NPHS2: variants seen among roughly 807,000 people sequenced by gnomAD.
NPHS2 encodes the protein NPHS2 stomatin family member, podocin, also known as podocin.
NPHS2 carries 36 observed loss-of-function variants against 37.1 expected under a neutral mutation model. The observed-to-expected ratio is 0.97, with a 90% CI of 0.74 to 1.28. The LOEUF (loss-of-function observed/expected upper bound fraction) is 1.28. NPHS2 is among the 50% of genes most tolerant of loss of function. The probability of loss-of-function intolerance (pLI) is 0.00; values close to 1 mark genes in which losing one functional copy is unlikely to be tolerated. For synonymous variants in NPHS2, 196 were observed against 189.3 expected, an observed-to-expected ratio of 1.04 and a Z score of -0.29; for missense variants, 447 against 488.1, an observed-to-expected ratio of 0.92 and a Z score of 0.79.
At chr1:179,563,893 G>A (rs940125403) in intron 2 of NPHS2, among the ~76,000 whole-genome samples, 1 of 152,180 alleles carries the variant, frequency 6.6e-6, no homozygotes, top group African/African-American at 2.4e-5. Flanking sequence ...CCAGCAGCAG[G>A]TGTACTGTTT....
In NPHS2 at chr1:179,558,119, A is replaced by C. The variant is rs186572871; in HGVS notation, c.535-889T>G. Reference sequence around the variant, plus strand: ...CCATCTTAACCATTTTTAAGTATACAGTCCAGTGATACTGAATACACTCAT... The same window carrying C: ...CCATCTTAACCATTTTTAAGTATACCGTCCAGTGATACTGAATACACTCAT... On this transcript the variant is annotated intron_variant, in intron 4 of 7. Transcript: ENST00000367615. Among the ~76,000 whole-genome samples the C allele has an allele frequency of 2.0e-5, 3 of 152,258 alleles. No individual in the cohort carries two copies. The East Asian group carries it at 5.8e-4, about 29-fold the overall frequency.
chr1:179,553,612 G>A (rs961220893), intron 6 of NPHS2, among the ~76,000 whole-genome samples: 11 of 152,066 alleles, frequency 7.2e-5, no homozygotes, highest in Non-Finnish European at 1.6e-4. Flanking sequence ...AGTACATGGG[G>A]GATTCCCACT....
At chr1:179,566,746 G>A (rs997224024) in intron 1 of NPHS2, among the ~76,000 whole-genome samples, 7 of 152,174 alleles carry the variant, frequency 4.6e-5, no homozygotes, top group East Asian at 1.9e-4. Context: ...TTTGTGTAAG[G>A]TGTAAGGAAG....
In NPHS2 at chr1:179,556,744, T is replaced by G. The variant is rs1673948390; in HGVS notation, c.738+283A>C. Among the ~76,000 whole-genome samples the G allele has an allele frequency of 6.6e-6, 1 of 152,140 alleles. No homozygotes were observed. Among genetic ancestry groups the G allele is most frequent in the Non-Finnish European group, 1.5e-5 (1 of 68,024 alleles). On this transcript the variant is annotated intron_variant, in intron 5 of 7. Coordinates refer to ENST00000367615, the MANE Select transcript of NPHS2 (RefSeq NM_014625.4). The surrounding 1 kb of genome is among the most constrained non-coding windows in gnomAD (Gnocchi z 4.1). ...CCAACCCCACCGTTCCTGCCAGCAA[T>G]CATTCTGAATACTTAATACTAGGTG...
chr1:179,554,313 G>A (rs999533938), intron 6 of NPHS2, among the ~76,000 whole-genome samples, 163 bp downstream of exon 6: 3 of 152,184 alleles, frequency 2.0e-5, no homozygotes, highest in Non-Finnish European at 2.9e-5. Context: ...TAGTGATTGT[G>A]TTATGGCTGT....
At chr1:179,563,575 C>T (rs1389073169) in intron 2 of NPHS2, among the ~76,000 whole-genome samples, 3 of 152,134 alleles carry the variant, frequency 2.0e-5, no homozygotes, top group Non-Finnish European at 4.4e-5. Context: ...GGCCATAAAA[C>T]TAACTTAAAC....
At chr1:179,562,473 G>T (rs16854353) in intron 2 of NPHS2, among the ~76,000 whole-genome samples, 4,060 of 152,174 alleles carry the variant, frequency 0.027, 177 homozygotes, top group African/African-American at 0.093. Context: ...ATAAATGAAA[G>T]AATGATTTGT....
chr1:179,561,187 G>T, intron 3 of NPHS2, 102 bp downstream of exon 3: 1 of 836,840 alleles, frequency 1.2e-6, no homozygotes, highest in Non-Finnish European at 2.1e-6. Context: ...CATGAATCAA[G>T]TTACTTCATT....
intron 1 of NPHS2, among the ~76,000 whole-genome samples, chr1:179,568,556 T>A (rs1300610387): frequency 6.6e-6 from 1 of 152,234 alleles, no homozygotes; most frequent in Admixed American, 6.5e-5. Context: ...CTCTTTCAGT[T>A]CTGCTCTGAT....
At chr1:179,554,787 C>T (rs1673820280) in intron 5 of NPHS2, 1 of 549,148 alleles carries the variant, frequency 1.8e-6, no homozygotes, top group Non-Finnish European at 3.2e-6. Flanking sequence ...ATGTCCTAAT[C>T]CCTGGAATCT....
At chr1:179,564,175 A>G (rs1404440879) in intron 2 of NPHS2, among the ~76,000 whole-genome samples, 1 of 152,118 alleles carries the variant, frequency 6.6e-6, no homozygotes, top group Non-Finnish European at 1.5e-5. Context: ...TTTCCCGTTA[A>G]TCTTTCACAG....
At position 179,556,585 on chromosome 1, in the gene NPHS2, T is replaced by G. The variant is rs987883762; in HGVS notation, c.738+442A>C. Among the ~76,000 whole-genome samples the G allele has an allele frequency of 6.6e-6, 1 of 152,214 alleles. No homozygotes were observed. The highest frequency in any genetic ancestry group is 1.5e-5 in the Non-Finnish European group (1 of 68,040). ...GTAAAGGTCTATGACATCTTAGCTT[T>G]TGTTATCTGGAAGTCTTATTTGAAC... On this transcript the variant is annotated intron_variant, in intron 5 of 7. Transcript: ENST00000367615. The surrounding 1 kb of genome is among the most constrained non-coding windows in gnomAD (Gnocchi z 4.1).
rs559088024 is a variant in NPHS2 at position 179,573,664 on chromosome 1, T to C, written c.274+1927A>G. Among the ~76,000 whole-genome samples, 9 of 152,322 alleles carry C rather than the reference T, an allele frequency of 5.9e-5. No individual in the cohort carries two copies. In the South Asian group the frequency reaches 1.7e-3, roughly 28 times the overall value. Reference sequence around the variant, plus strand: ...ATCATTGCCAGTTTTAATTAGTTCATAAATATGTTTCAGTTACCAGTGGTA... The same window carrying C: ...ATCATTGCCAGTTTTAATTAGTTCACAAATATGTTTCAGTTACCAGTGGTA... On this transcript the variant is annotated intron_variant, in intron 1 of 7. Coordinates refer to ENST00000367615, the MANE Select transcript of NPHS2 (RefSeq NM_014625.4).
intron 1 of NPHS2, among the ~76,000 whole-genome samples, chr1:179,569,523 A>C (rs776143598): frequency 1.4e-4 from 21 of 152,040 alleles, no homozygotes; most frequent in Non-Finnish European, 2.2e-4. Flanking sequence ...TTTTAATTGG[A>C]GCATTTAGCC....
chr1:179,555,434 G>A (rs1673875577), intron 5 of NPHS2, among the ~76,000 whole-genome samples: 1 of 152,104 alleles, frequency 6.6e-6, no homozygotes, highest in South Asian at 2.1e-4. Context: ...AATCGACTGT[G>A]GATTCTGGAA....
intron 1 of NPHS2, among the ~76,000 whole-genome samples, chr1:179,565,943 T>C (rs1674320030): frequency 6.6e-6 from 1 of 152,250 alleles, no homozygotes; most frequent in South Asian, 2.1e-4. Flanking sequence ...GGTGTATATG[T>C]GCTACATTTT....
At chr1:179,567,929 G>T (rs1674398637) in intron 1 of NPHS2, among the ~76,000 whole-genome samples, 1 of 151,232 alleles carries the variant, frequency 6.6e-6, no homozygotes, top group Non-Finnish European at 1.5e-5. Context: ...CTTGATCGTG[G>T]TGGATGTGCT....
chr1:179,553,060 T>G (rs1673553582), intron 6 of NPHS2, among the ~76,000 whole-genome samples: 1 of 152,252 alleles, frequency 6.6e-6, no homozygotes, highest in Non-Finnish European at 1.5e-5. Context: ...CATCCAAGTT[T>G]ATAAAAGAGA....
rs1673156571 is a variant in NPHS2, at chr1:179,550,951, A to G, written c.*222T>C. On this transcript the variant is annotated 3_prime_UTR_variant, in exon 8 of 8. Coordinates refer to ENST00000367615, the MANE Select transcript of NPHS2 (RefSeq NM_014625.4). The stretch of plus-strand genomic sequence containing the variant: ...ATGTTGACCAAAGCTGTTTCCCATA[A>G]TTGCTCTGACTAGATGAGTCACGGA... 1 of 590,182 alleles carries G rather than the reference A, an allele frequency of 1.7e-6. No homozygotes were observed. The highest frequency in any genetic ancestry group is 2.9e-5 in the East Asian group (1 of 34,084). The allele number at this position is 590,182 out of a possible 1,614,324, so 36.6% of individuals were successfully genotyped here. A position where few individuals can be genotyped will look rare whatever the true frequency, so the allele number is the denominator to read the frequency against.
Sources: gnomAD v4.1 joint callset for allele counts (sites outside exome capture counted in the v4.1 genomes callset) on GRCh38, gnomAD v4.1.1 for gene constraint, Gnocchi (gnomAD v3.1) non-coding constraint, MANE v1.5 for transcripts, NCBI Gene and HGNC (gene_info 2026-07-23, HGNC 2026-07-21) for gene names.